NKAIN1: variants seen among roughly 807,000 people sequenced by gnomAD.
NKAIN1 encodes sodium/potassium-transporting ATPase subunit beta-1-interacting protein 1.
A neutral mutation model predicts 31.6 loss-of-function variants in NKAIN1; 13 were observed. The observed-to-expected ratio is 0.41, with a 90% CI of 0.27 to 0.65. The LOEUF (loss-of-function observed/expected upper bound fraction) is 0.65, where lower values mean the gene tolerates loss of function less well. NKAIN1 is among the 30% of genes least tolerant of loss of function. NKAIN1 has a pLI of 0.30. For synonymous variants in NKAIN1, 104 were observed against 109.0 expected, an observed-to-expected ratio of 0.95 and a Z score of 0.28; for missense variants, 193 against 262.2, an observed-to-expected ratio of 0.74 and a Z score of 1.82.
At chr1:31,212,870 G>A (rs1028544283) in intron 1 of NKAIN1, among the ~76,000 whole-genome samples, 12 of 151,984 alleles carry the variant, frequency 7.9e-5, no homozygotes, top group Non-Finnish European at 1.0e-4. Flanking sequence ...GGTGGCAGGC[G>A]CCTGTAATCC....
intron 1 of NKAIN1, among the ~76,000 whole-genome samples, chr1:31,204,415 A>G (rs1645407611): frequency 6.6e-6 from 1 of 152,090 alleles, no homozygotes; most frequent in Non-Finnish European, 1.5e-5. Context: ...CAGGACTCCC[A>G]TCTTCTTGTC....
At chr1:31,214,698 C>G (rs1645497152) in intron 1 of NKAIN1, among the ~76,000 whole-genome samples, 1 of 152,102 alleles carries the variant, frequency 6.6e-6, no homozygotes, top group Admixed American at 6.5e-5. Context: ...AGGAAGTGAT[C>G]TGAAGGAAGA....
chr1:31,236,165 G>C (rs183441954), intron 1 of NKAIN1, among the ~76,000 whole-genome samples: 1 of 152,244 alleles, frequency 6.6e-6, no homozygotes, highest in African/African-American at 2.4e-5. Context: ...TAGCCAGGAA[G>C]TGACAGAACC....
Position 31,181,865 on chromosome 1 carries a change from C to T in NKAIN1, c.609G>A (p.Leu203=), listed in dbSNP as rs2124159872. The T allele has an allele frequency of 6.2e-7, 1 of 1,606,546 alleles. No homozygotes were observed. Among genetic ancestry groups the T allele is most frequent in the East Asian group, 2.2e-5 (1 of 44,670 alleles). The change falls in exon 6 of 7, where the codon CTG becomes CTA. Residue 203 remains leucine (L), a synonymous_variant. Transcript: ENST00000373736. ...QKTSHLQLQP[L]YTSG ...AGCAGGGGGCCGTGACCCACGTGTA[C>T]AGAGGCTGCAGCTGTAAATGCGACG...
intron 5 of NKAIN1, 72 bp from the exon 6 acceptor site, chr1:31,182,013 G>A: frequency 6.9e-7 from 1 of 1,444,700 alleles, no homozygotes; most frequent in Non-Finnish European, 9.5e-7. Context: ...GTCCTGAAGG[G>A]GAAGAATCTG....
In NKAIN1 at chr1:31,232,420, T is replaced by TGG. The variant is rs1557664447; in HGVS notation, c.54+7073_54+7074insCC. 1.5e-3 allele frequency among the ~76,000 whole-genome samples: 46 copies of TGG among 30,052 alleles called. 2 individuals are homozygous for TGG. The highest frequency in any genetic ancestry group is 4.9e-3 in the African/African-American group (46 of 9,396). The allele number at this position is 30,052 out of a possible 152,430, so 19.7% of individuals were successfully genotyped here. A position where few individuals can be genotyped will look rare whatever the true frequency, so the allele number is the denominator to read the frequency against. On this transcript the variant is annotated intron_variant, in intron 1 of 6. Transcript: ENST00000373736. ...TCATATATATATATATATATATATATATATAGAGAGAGAGAGAGAGAGAGA... is the reference window on the plus strand; with the variant it reads ...TCATATATATATATATATATATATATGGATATAGAGAGAGAGAGAGAGAGAGA...
Position 31,222,907 on chromosome 1 carries a change from T to G in NKAIN1, c.54+16587A>C, listed in dbSNP as rs112636073. On this transcript the variant is annotated intron_variant, in intron 1 of 6. Coordinates refer to ENST00000373736, the MANE Select transcript of NKAIN1 (RefSeq NM_024522.3). ...TATCCATATAATAGTGTCTACCTCT[T>G]AGGGTTACTGCAGGACCAACTGAGG... Among the ~76,000 whole-genome samples the G allele has an allele frequency of 3.7e-3, 571 of 152,284 alleles. 6 individuals are homozygous for G. Among genetic ancestry groups the G allele is most frequent in the Middle Eastern group, 6.8e-3 (2 of 294 alleles).
chr1:31,230,814 C>A (rs914566165), intron 1 of NKAIN1, among the ~76,000 whole-genome samples: 2 of 151,718 alleles, frequency 1.3e-5, no homozygotes, highest in Non-Finnish European at 2.9e-5. Context: ...ATCGTCACAT[C>A]AGGGTAAATC....
intron 1 of NKAIN1, among the ~76,000 whole-genome samples, chr1:31,206,676 A>G (rs1032569501): frequency 2.0e-5 from 3 of 152,024 alleles, no homozygotes; most frequent in African/African-American, 7.2e-5. Flanking sequence ...AGCTCCAGCA[A>G]TTTGCCCATC....
chr1:31,226,312 C>CAAA (rs10671984), intron 1 of NKAIN1, among the ~76,000 whole-genome samples: 215 of 145,182 alleles, frequency 1.5e-3, no homozygotes, highest in African/African-American at 3.7e-3. Flanking sequence ...AGAAATGCAG[C>CAAA]AAAAAAAAAA....
intron 5 of NKAIN1, 93 bp downstream of exon 5, chr1:31,182,437 G>T (rs1645210081): frequency 1.4e-6 from 2 of 1,439,698 alleles, no homozygotes; most frequent in Non-Finnish European, 1.9e-6. Context: ...CCGACCCTGG[G>T]CTCCCTCCCG....
At chr1:31,230,878 ATTTTT>A (rs35096054) in intron 1 of NKAIN1, among the ~76,000 whole-genome samples, 2 of 79,286 alleles carry the variant, frequency 2.5e-5, no homozygotes, top group Non-Finnish European at 5.0e-5. Context: ...TCTTTGGGTT[ATTTTT>A]TTTTTTTTTT....
chr1:31,186,924 C>T (rs570470098), intron 2 of NKAIN1, among the ~76,000 whole-genome samples: 4 of 152,164 alleles, frequency 2.6e-5, no homozygotes, highest in Admixed American at 1.3e-4. Flanking sequence ...ATTCCACCCA[C>T]GGTAGTGAGC....
At chr1:31,188,420 G>T in intron 1 of NKAIN1, 1 of 491,462 alleles carries the variant, frequency 2.0e-6, no homozygotes, top group Non-Finnish European at 3.6e-6. Flanking sequence ...CTTCCTCCCT[G>T]CCAAGGAGGC....
intron 4 of NKAIN1, 144 bp downstream of exon 4, chr1:31,183,673 C>T (rs1645220507): frequency 2.4e-6 from 2 of 824,312 alleles, no homozygotes; most frequent in East Asian, 2.5e-5. Context: ...GTCTTGAACT[C>T]CTGACCTCAG....
chr1:31,207,895 G>A (rs1445944368), intron 1 of NKAIN1, among the ~76,000 whole-genome samples: 1 of 152,096 alleles, frequency 6.6e-6, no homozygotes, highest in African/African-American at 2.4e-5. Flanking sequence ...GGCCCAGGGA[G>A]GTGAAGTAAC....
intron 1 of NKAIN1, among the ~76,000 whole-genome samples, chr1:31,236,641 C>T (rs142162029): frequency 6.6e-6 from 1 of 152,266 alleles, no homozygotes; most frequent in African/African-American, 2.4e-5. Context: ...CAAGTTCCTC[C>T]CGCAAATGAT....
chr1:31,194,782 TTTTTTTTGAGACA>T (rs1424804302), intron 1 of NKAIN1, among the ~76,000 whole-genome samples: 1 of 142,424 alleles, frequency 7.0e-6, no homozygotes, highest in Non-Finnish European at 1.5e-5. Context: ...TTTTTTTTTT[TTTTTTTTGAGACA>T]GAGTCCCATT....
At chr1:31,237,147 A>G (rs1050559441) in intron 1 of NKAIN1, among the ~76,000 whole-genome samples, 17 of 152,136 alleles carry the variant, frequency 1.1e-4, no homozygotes, top group African/African-American at 3.9e-4. Flanking sequence ...GGTACTCAGG[A>G]GGCTGAGGTG....
Sources: allele counts gnomAD v4.1 joint callset (sites outside exome capture counted in the v4.1 genomes callset), GRCh38; gene constraint gnomAD v4.1.1; transcripts MANE v1.5; gene names NCBI Gene and HGNC (gene_info 2026-07-23, HGNC 2026-07-21).